The following TANC2 variants were observed in gnomAD, a reference collection of about 807,000 sequenced individuals.
The protein encoded by TANC2 is protein TANC2.
A neutral mutation model predicts 210.5 loss-of-function variants in TANC2; 26 were observed. The observed-to-expected ratio is 0.12, with a 90% CI of 0.09 to 0.17. The LOEUF is 0.17. Among genes scored for constraint, TANC2 ranks in the 10% least tolerant of loss-of-function variants. TANC2 has a pLI of 1.00. For missense variants in TANC2, 2,129 were observed against 2,608.9 expected (o/e 0.82, Z 4.01); for synonymous variants, 931 against 967.1 (o/e 0.96, Z 0.69).
rs778901444 is a variant in TANC2 at position 63,389,562 on chromosome 17, C to T, written c.3051+18C>T. ...GGGCCAAGGTACTGGCTGCCCAGCT[C>T]TGCTGCTTTTCTTCCCTTTTTCTTT... is the stretch of plus-strand genomic sequence containing the variant. On this transcript the variant is annotated intron_variant, in intron 17 of 27. Transcript: ENST00000689528. 398 of 1,583,826 alleles carry T rather than the reference C, an allele frequency of 2.5e-4. 1 individual carries two copies. The highest frequency in any genetic ancestry group is 3.1e-4 in the Non-Finnish European group (364 of 1,163,526).
intron 1 of TANC2, among the ~76,000 whole-genome samples, chr17:62,997,120 T>TC (rs1393666221): frequency 2.0e-5 from 3 of 148,484 alleles, no homozygotes; most frequent in African/African-American, 7.5e-5. Flanking sequence ...CAGCCTCTTT[T>TC]TTTTTTTTTT....
rs190413253 is a variant in TANC2 at position 63,418,830 on chromosome 17, G to A, written c.4268+423G>A. 1.3e-4 allele frequency among the ~76,000 whole-genome samples: 20 copies of A among 152,248 alleles called. No homozygotes were observed. In the East Asian group the frequency reaches 2.9e-3, roughly 22 times the overall value. On this transcript the variant is annotated intron_variant, in intron 27 of 27. Transcript: ENST00000689528. The surrounding 1 kb of genome is among the most constrained non-coding windows in gnomAD (Gnocchi z 4.6). Reference sequence around the variant, plus strand: ...GGTTCCTCTTCCTTCTCCCATAGGCGTTTGAGGAATCCCGGATTAGTTAGT... The same window carrying A: ...GGTTCCTCTTCCTTCTCCCATAGGCATTTGAGGAATCCCGGATTAGTTAGT...
intron 5 of TANC2, 37 bp from the exon 6 acceptor site, chr17:63,193,954 T>C: frequency 6.3e-7 from 1 of 1,577,888 alleles, no homozygotes; most frequent in Non-Finnish European, 8.6e-7. Flanking sequence ...CATTTTATTT[T>C]GAAAGATTCA....
At chr17:63,166,015 C>A (rs913045716) in intron 5 of TANC2, among the ~76,000 whole-genome samples, 16 of 152,304 alleles carry the variant, frequency 1.1e-4, no homozygotes, top group Middle Eastern at 3.4e-3. Flanking sequence ...AAATAGTCAT[C>A]ATCATACATT....
At chr17:63,154,705 A>T (rs910290351) in intron 5 of TANC2, 2 of 152,094 alleles carry the variant, frequency 1.3e-5, no homozygotes, top group Non-Finnish European at 2.9e-5. Context: ...TGCAGTGATG[A>T]TCCTAAGGTA....
At chr17:63,078,606 A>G (rs1304555569) in intron 3 of TANC2, among the ~76,000 whole-genome samples, 5 of 152,098 alleles carry the variant, frequency 3.3e-5, no homozygotes, top group Admixed American at 3.3e-4. Context: ...TAGTATTTTC[A>G]TTTAGTTCAA....
chr17:63,074,188 A>T (rs995084244), intron 3 of TANC2, among the ~76,000 whole-genome samples, 174 bp downstream of exon 3: 1 of 152,174 alleles, frequency 6.6e-6, no homozygotes, highest in African/African-American at 2.4e-5. Context: ...TTCAAGATAT[A>T]TGAAAATTAA....
At chr17:63,141,379 TAAAAAAAAAAAAAAAAAAAAAAAA>T (rs71155970) in intron 4 of TANC2, among the ~76,000 whole-genome samples, 4 of 21,840 alleles carry the variant, frequency 1.8e-4, no homozygotes, top group East Asian at 2.0e-3. Context: ...CCGTTTCTAC[TAAAAAAAAAAAAAAAAAAAAAAAA>T]AAAAAAAAAA....
chr17:63,132,674 A>G (rs921819477), intron 4 of TANC2, among the ~76,000 whole-genome samples: 3 of 152,184 alleles, frequency 2.0e-5, no homozygotes, highest in African/African-American at 7.2e-5. Flanking sequence ...GGAGATTGAA[A>G]AGCAACTTGT....
At chr17:63,087,100 A>G (rs2036998416) in intron 3 of TANC2, among the ~76,000 whole-genome samples, 1 of 152,216 alleles carries the variant, frequency 6.6e-6, no homozygotes, top group Non-Finnish European at 1.5e-5. Context: ...AGCTGTAACA[A>G]TCACCACGAA....
At chr17:63,220,126 C>A (rs764097854) in intron 7 of TANC2, among the ~76,000 whole-genome samples, 7 of 151,762 alleles carry the variant, frequency 4.6e-5, no homozygotes, top group Non-Finnish European at 8.8e-5. Flanking sequence ...GAAACCTCTC[C>A]TCTACTAAAA....
intron 7 of TANC2, among the ~76,000 whole-genome samples, chr17:63,220,296 T>TA (rs1300715584): frequency 8.7e-4 from 107 of 123,234 alleles, no homozygotes; most frequent in East Asian, 1.4e-3. Context: ...CTCCGTCTCA[T>TA]AAAAAAAAAA....
At chr17:63,176,329 C>T (rs2040578548) in intron 5 of TANC2, among the ~76,000 whole-genome samples, 1 of 152,070 alleles carries the variant, frequency 6.6e-6, no homozygotes, top group Admixed American at 6.5e-5. Context: ...ATGTGGTATC[C>T]ATACAAAGGA....
At position 63,011,227 on chromosome 17, in the gene TANC2, G is replaced by T. The variant is rs531875034; in HGVS notation, c.67+1601G>T. Among the ~76,000 whole-genome samples the T allele has an allele frequency of 1.3e-4, 20 of 151,366 alleles. No individual in the cohort carries two copies. The South Asian group carries it at 2.1e-3, about 16-fold the overall frequency. On this transcript the variant is annotated intron_variant, in intron 2 of 27. Transcript: ENST00000689528. ...CAAATATGTTTTTTTTTGTTGTTTT[G>T]TGTGTGTGTGTGTGTTTTTTTTACT...
intron 1 of TANC2, among the ~76,000 whole-genome samples, chr17:62,967,944 G>T (rs1319309113): frequency 6.6e-6 from 1 of 152,120 alleles, no homozygotes; most frequent in Non-Finnish European, 1.5e-5. Flanking sequence ...ATGTGAGCAC[G>T]AAATAAAACG....
In TANC2 at chr17:63,022,214, C is replaced by T. The variant is rs565784434; in HGVS notation, c.67+12588C>T. ...AAAGTTAGCCGGGTATGGTGGTGGG[C>T]GCCTGTAATCCCAGCTACTTGGGAG... is the stretch of plus-strand genomic sequence containing the variant. On this transcript the variant is annotated intron_variant, in intron 2 of 27. Coordinates refer to ENST00000689528, the Ensembl canonical transcript of TANC2. Among the ~76,000 whole-genome samples the T allele has an allele frequency of 1.8e-3, 280 of 151,632 alleles. 1 individual carries two copies. The highest frequency in any genetic ancestry group is 6.4e-3 in the African/African-American group (263 of 41,326).
chr17:63,412,586 T>C lies in TANC2; in HGVS notation c.3899-94T>C, dbSNP rs1024475672. 14 of 1,241,610 alleles carry C rather than the reference T, an allele frequency of 1.1e-5. No homozygotes were observed. In the African/African-American group the frequency reaches 1.4e-4, roughly 12 times the overall value. The allele number at this position is 1,241,610 out of a possible 1,614,324, so 76.9% of individuals were successfully genotyped here. ...ATATGCTGGCTTTGTGCTGCCTGCCTCTCACTGCTGCTTTTTCCTTCTTTT... is the reference window on the plus strand; with the variant it reads ...ATATGCTGGCTTTGTGCTGCCTGCCCCTCACTGCTGCTTTTTCCTTCTTTT... On this transcript the variant is annotated intron_variant, in intron 23 of 27. Transcript: ENST00000689528. This position sits in a 1 kb window ranked among gnomAD's most constrained non-coding sequence, Gnocchi z 4.2.
chr17:63,063,617 G>T (rs551623627), intron 2 of TANC2, among the ~76,000 whole-genome samples: 7 of 145,340 alleles, frequency 4.8e-5, no homozygotes, highest in African/African-American at 7.7e-5. Context: ...ACCCAGTATT[G>T]TGTGTGTGTG....
intron 5 of TANC2, chr17:63,152,692 G>A (rs940118681): frequency 1.3e-5 from 2 of 151,990 alleles, no homozygotes; most frequent in Admixed American, 1.3e-4. Flanking sequence ...AAATTTTAGT[G>A]TTATAAAGTA....
Sources: gnomAD v4.1 joint callset for allele counts (sites outside exome capture counted in the v4.1 genomes callset) on GRCh38, gnomAD v4.1.1 for gene constraint, Gnocchi (gnomAD v3.1) non-coding constraint, MANE v1.5 for transcripts, NCBI Gene and HGNC (gene_info 2026-07-23, HGNC 2026-07-21) for gene names.